FSCN1: variants seen among roughly 807,000 people sequenced by gnomAD.
FSCN1 encodes fascin.
Under a neutral mutation model 39.7 loss-of-function variants are expected in FSCN1, and 10 were observed. That is an observed-to-expected ratio of 0.25 (90% CI 0.16 to 0.43). FSCN1 has a LOEUF of 0.43. FSCN1 is among the 20% of genes least tolerant of loss of function. FSCN1 has a pLI of 1.00. For synonymous variants in FSCN1, 322 were observed against 320.0 expected (o/e 1.01, Z -0.07); for missense variants, 525 against 723.8 (o/e 0.73, Z 3.15).
chr7:5,595,846 G>A (rs147411377), intron 1 of FSCN1, among the ~76,000 whole-genome samples: 264 of 152,326 alleles, frequency 1.7e-3, no homozygotes, highest in Non-Finnish European at 3.1e-3. Context: ...TGGGGGCCAG[G>A]AAGTTGCAGA....
At chr7:5,597,078 G>A (rs1256573595) in intron 1 of FSCN1, among the ~76,000 whole-genome samples, 1 of 152,218 alleles carries the variant, frequency 6.6e-6, no homozygotes, top group Non-Finnish European at 1.5e-5. Flanking sequence ...AGGCACACTG[G>A]CTCTCGCCTG....
Position 5,599,159 on chromosome 7 carries a change from G to A in FSCN1, c.833-4098G>A, listed in dbSNP as rs1273813295. ...CCCCTGCTCACCTTATCCTCCTCCC[G>A]TGCTTGGCTGGGGTGTGGTGGCTGA... On this transcript the variant is annotated intron_variant, in intron 1 of 4. Coordinates refer to ENST00000382361, the MANE Select transcript of FSCN1 (RefSeq NM_003088.4). This position sits in a 1 kb window ranked among gnomAD's most constrained non-coding sequence, Gnocchi z 5.6. Among the ~76,000 whole-genome samples the A allele has an allele frequency of 2.0e-5, 3 of 152,102 alleles. No individual in the cohort carries two copies. Among genetic ancestry groups the A allele is most frequent in the Non-Finnish European group, 2.9e-5 (2 of 67,980 alleles).
chr7:5,604,001 A>G lies in FSCN1; in HGVS notation c.1250A>G (p.Glu417Gly). Reference protein sequence around the residue: ...NRSSYDVFQLEFNDGAYNIKD... With the variant: ...NRSSYDVFQLGFNDGAYNIKD... ...TCCAGCTATGACGTCTTCCAGCTGG[A>G]GTTCAACGATGGCGCCTACAACATC... Residue 417 changes from glutamate (E) to glycine (G), a missense_variant, in exon 4 of 5, where the codon GAG becomes GGG. Glu to Gly is a moderately conservative substitution (Grantham distance 98). Transcript: ENST00000382361. The G allele has an allele frequency of 6.2e-7, 1 of 1,613,808 alleles. No homozygotes were observed. The highest frequency in any genetic ancestry group is 8.5e-7 in the Non-Finnish European group (1 of 1,179,992).
chr7:5,605,502 C>T lies in FSCN1; in HGVS notation c.*28C>T, dbSNP rs1785918118. The stretch of plus-strand genomic sequence containing the variant: ...CCGGCCCGTCCTTCCCCGCCCCTGC[C>T]CACATGGCGGCTCCTGCCAACCCTC... On this transcript the variant is annotated 3_prime_UTR_variant, in exon 5 of 5. Transcript: ENST00000382361. The surrounding 1 kb of genome is among the most constrained non-coding windows in gnomAD (Gnocchi z 6.9). 1.3e-6 allele frequency: 2 copies of T among 1,482,432 alleles called. No homozygotes were observed. The highest frequency in any genetic ancestry group is 1.4e-5 in the African/African-American group (1 of 71,872). 91.8% of individuals were successfully genotyped at this position (1,482,432 alleles called of 1,614,324 possible). A position where few individuals can be genotyped will look rare whatever the true frequency, so the allele number is the denominator to read the frequency against.
rs1785883439 is a variant in FSCN1 at position 5,603,968 on chromosome 7, C to T, written c.1217C>T (p.Ala406Val). The change falls in exon 4 of 5, where the codon GCC becomes GTC. Residue 406 changes from alanine to valine, a missense_variant. Transcript: ENST00000382361. This position sits in a 1 kb window ranked among gnomAD's most constrained non-coding sequence, Gnocchi z 8.5. ...GCRKVTGTLD[A>V]NRSSYDVFQL... ...CGCAAGGTCACGGGCACCCTGGACG[C>T]CAACCGCTCCAGCTATGACGTCTTC... 1.2e-6 allele frequency: 2 copies of T among 1,613,890 alleles called. No individual in the cohort carries two copies. Among genetic ancestry groups the T allele is most frequent in the African/African-American group, 2.7e-5 (2 of 74,928 alleles).
intron 4 of FSCN1, 135 bp downstream of exon 4, chr7:5,604,165 GGTGT>G: frequency 1.3e-6 from 1 of 744,616 alleles, no homozygotes; most frequent in Non-Finnish European, 2.2e-6. Context: ...TAAAGGGACA[GGTGT>G]CTGATGGCCA....
rs555974570 is a variant in FSCN1 at position 5,595,491 on chromosome 7, T to C, written c.832+1723T>C. On this transcript the variant is annotated intron_variant, in intron 1 of 4. Coordinates refer to ENST00000382361, the MANE Select transcript of FSCN1 (RefSeq NM_003088.4). ...GTGAACCAGTGGGGTTCACGTTCTC[T>C]TGGGGACATTACGAAGTGTCAAGGA... Among the ~76,000 whole-genome samples the C allele has an allele frequency of 4.6e-5, 7 of 152,312 alleles. No homozygotes were observed. In the South Asian group the frequency reaches 8.3e-4, roughly 18 times the overall value.
chr7:5,598,109 G>C (rs966962816), intron 1 of FSCN1, among the ~76,000 whole-genome samples: 1 of 152,108 alleles, frequency 6.6e-6, no homozygotes, highest in Non-Finnish European at 1.5e-5. Flanking sequence ...TGATGTCTAC[G>C]TGGCACCAGG....
In FSCN1 at chr7:5,593,422, G is replaced by A; in HGVS notation, c.486G>A (p.Glu162=). 1 of 1,612,148 alleles carries A rather than the reference G, an allele frequency of 6.2e-7. No homozygotes were observed. The highest frequency in any genetic ancestry group is 8.5e-7 in the Non-Finnish European group (1 of 1,179,770). The change falls in exon 1 of 5, where the codon GAG becomes GAA. Residue 162 remains glutamate, a synonymous_variant. Transcript: ENST00000382361. ...ACCTGAGCGCGCGGCCGGCCGACGA[G>A]ATCGCCGTGGACCGCGACGTGCCCT... is the stretch of plus-strand genomic sequence containing the variant. ...YAHLSARPAD[E]IAVDRDVPWG...
intron 1 of FSCN1, chr7:5,594,141 C>T (rs1045793446): frequency 3.2e-5 from 7 of 220,932 alleles, no homozygotes; most frequent in Admixed American, 6.0e-5. Flanking sequence ...TCACCCATTT[C>T]CTCGTGCCCC....
chr7:5,601,680 A>T (rs1405741154), intron 1 of FSCN1, among the ~76,000 whole-genome samples: 1 of 152,026 alleles, frequency 6.6e-6, no homozygotes, highest in African/African-American at 2.4e-5. Flanking sequence ...TGTACCAAAT[A>T]GAAAAAAAAA....
Position 5,603,077 on chromosome 7 carries a change from C to T in FSCN1, c.833-180C>T, listed in dbSNP as rs1330666543. On this transcript the variant is annotated intron_variant, in intron 1 of 4. Coordinates refer to ENST00000382361, the MANE Select transcript of FSCN1 (RefSeq NM_003088.4). The surrounding 1 kb of genome is among the most constrained non-coding windows in gnomAD (Gnocchi z 8.5). ...GTAGCTTGCCTTGGCCTCTGACCGG[C>T]CCTGCCTGCGTTCCTGGGTGCTCTC... is the stretch of plus-strand genomic sequence containing the variant. 9.2e-6 allele frequency: 6 copies of T among 653,700 alleles called. No homozygotes were observed. Among genetic ancestry groups the T allele is most frequent in the Non-Finnish European group, 1.6e-5 (6 of 377,318 alleles). The allele number at this position is 653,700 out of a possible 1,614,324, so 40.5% of individuals were successfully genotyped here. A position where few individuals can be genotyped will look rare whatever the true frequency, so the allele number is the denominator to read the frequency against.
At chr7:5,596,232 T>G (rs755270466) in intron 1 of FSCN1, among the ~76,000 whole-genome samples, 1 of 150,852 alleles carries the variant, frequency 6.6e-6, no homozygotes. Flanking sequence ...CCGACACACA[T>G]GCTGGGGAAC....
At position 5,593,530 on chromosome 7, in the gene FSCN1, C is replaced by T. The variant is rs374555702; in HGVS notation, c.594C>T (p.His198=). The T allele has an allele frequency of 1.0e-4, 163 of 1,600,070 alleles. No individual in the cohort carries two copies. The African/African-American group carries it at 2.0e-3, about 20-fold the overall frequency. Residue 198 remains histidine, a synonymous_variant, in exon 1 of 5, where the codon CAC becomes CAT. Transcript: ENST00000382361. The part of the protein sequence containing the change: ...VQTADHRFLR[H]DGRLVARPEP... The stretch of plus-strand genomic sequence containing the variant: ...CCGCCGACCACCGCTTCCTGCGCCA[C>T]GACGGGCGCCTGGTGGCGCGCCCCG...
In FSCN1 at chr7:5,603,470, C is replaced by A. The variant is rs748787713; in HGVS notation, c.990-26C>A. Reference sequence around the variant, plus strand: ...CCACCACCTTGCCTGGGCTACCCCGCCTGACCCTGTCCCGCCATCCCCCAG... The same window carrying A: ...CCACCACCTTGCCTGGGCTACCCCGACTGACCCTGTCCCGCCATCCCCCAG... On this transcript the variant is annotated intron_variant, in intron 2 of 4. Coordinates refer to ENST00000382361, the MANE Select transcript of FSCN1 (RefSeq NM_003088.4). This position sits in a 1 kb window ranked among gnomAD's most constrained non-coding sequence, Gnocchi z 8.5. 5 of 1,614,060 alleles carry A rather than the reference C, an allele frequency of 3.1e-6. No homozygotes were observed. Among genetic ancestry groups the A allele is most frequent in the East Asian group, 4.5e-5 (2 of 44,880 alleles).
intron 1 of FSCN1, among the ~76,000 whole-genome samples, chr7:5,598,317 C>T (rs1785767179): frequency 2.0e-5 from 3 of 152,220 alleles, no homozygotes; most frequent in Admixed American, 6.5e-5. Flanking sequence ...GGGACTGAGT[C>T]GTGGTACAGA....
chr7:5,603,907 A>T lies in FSCN1; in HGVS notation c.1156A>T (p.Ile386Phe). The T allele has an allele frequency of 6.2e-7, 1 of 1,614,008 alleles. No individual in the cohort carries two copies. Among genetic ancestry groups the T allele is most frequent in the Non-Finnish European group, 8.5e-7 (1 of 1,180,008 alleles). ...CATGAAGCTCATCAACCGCCCCATC[A>T]TCGTGTTCCGCGGGGAGCATGGCTT... ...FLMKLINRPI[I>F]VFRGEHGFIG... Residue 386 changes from isoleucine (I) to phenylalanine (F), a missense_variant, in exon 4 of 5, where the codon ATC becomes TTC. Ile to Phe is a conservative substitution (Grantham distance 21). Transcript: ENST00000382361. This position sits in a 1 kb window ranked among gnomAD's most constrained non-coding sequence, Gnocchi z 8.5.
At chr7:5,596,255 G>A (rs139734005) in intron 1 of FSCN1, among the ~76,000 whole-genome samples, 99 of 152,278 alleles carry the variant, frequency 6.5e-4, no homozygotes, top group African/African-American at 2.3e-3. Context: ...CAGCCAGGAA[G>A]GGGAGGATCC....
rs1014540558 is a variant in FSCN1 at position 5,605,233 on chromosome 7, C to A, written c.1280-39C>A. ...CGCTGCCCAGGGTAGGGGTGGGGAG[C>A]CAGGCTTTGGGCCCCACTTGATAAA... On this transcript the variant is annotated intron_variant, in intron 4 of 4. Transcript: ENST00000382361. This position sits in a 1 kb window ranked among gnomAD's most constrained non-coding sequence, Gnocchi z 6.9. 18 of 1,516,766 alleles carry A rather than the reference C, an allele frequency of 1.2e-5. No individual in the cohort carries two copies. The highest frequency in any genetic ancestry group is 1.4e-5 in the Non-Finnish European group (15 of 1,094,604). The allele number at this position is 1,516,766 out of a possible 1,614,324, so 94.0% of individuals were successfully genotyped here.
Sources: gnomAD v4.1 joint callset for allele counts (sites outside exome capture counted in the v4.1 genomes callset) on GRCh38, gnomAD v4.1.1 for gene constraint, Gnocchi (gnomAD v3.1) non-coding constraint, MANE v1.5 for transcripts, NCBI Gene and HGNC (gene_info 2026-07-23, HGNC 2026-07-21) for gene names.